The following PRKCZ variants were observed in gnomAD, a reference collection of about 807,000 sequenced individuals.
The protein encoded by PRKCZ is protein kinase C zeta, also known as protein kinase C zeta type.
A neutral mutation model predicts 79.5 loss-of-function variants in PRKCZ; 33 were observed. The ratio of observed to expected loss-of-function variants is 0.41; its 90% CI spans 0.31 to 0.55. The LOEUF (loss-of-function observed/expected upper bound fraction) is 0.55. Ranked by LOEUF, PRKCZ falls within the 20% of genes least tolerant of loss-of-function variation. The probability of loss-of-function intolerance (pLI) is 0.19; values close to 1 mark genes in which losing one functional copy is unlikely to be tolerated. For synonymous variants in PRKCZ, 342 were observed against 320.9 expected (o/e 1.07, Z -0.70); for missense variants, 578 against 813.5 (o/e 0.71, Z 3.52).
At chr1:2,056,640 A>G (rs909933569) in intron 3 of PRKCZ, 67 bp downstream of exon 3, 5 of 1,399,608 alleles carry the variant, frequency 3.6e-6, no homozygotes, top group South Asian at 1.3e-5. Context: ...TCTGCCGACT[A>G]GCTGGGGGAT....
At chr1:2,122,572 G>T (rs1672552044) in intron 4 of PRKCZ, among the ~76,000 whole-genome samples, 1 of 12,332 alleles carries the variant, frequency 8.1e-5, no homozygotes, top group African/African-American at 4.4e-4. Flanking sequence ...TAGGGTCGTG[G>T]TGGTTAGGGT....
chr1:2,050,781 G>T (rs1288818953), intron 1 of PRKCZ, 80 bp downstream of exon 1: 6 of 914,752 alleles, frequency 6.6e-6, no homozygotes, highest in South Asian at 5.5e-5. Context: ...GCTCCTGCGC[G>T]AGAGGGAGAG....
chr1:2,185,383 C>G lies in PRKCZ; in HGVS notation c.*374C>G, dbSNP rs752679845. The G allele has an allele frequency of 2.8e-6, 2 of 718,794 alleles. No individual in the cohort carries two copies. The highest frequency in any genetic ancestry group is 3.0e-5 in the South Asian group (2 of 67,602). 44.5% of individuals were successfully genotyped at this position (718,794 alleles called of 1,614,324 possible). A position where few individuals can be genotyped will look rare whatever the true frequency, so the allele number is the denominator to read the frequency against. ...TAGCGTCCTGAGGAATAAAATGTTC[C>G]GATGATGTGGAAGCTCCTCTGATGC... is the stretch of plus-strand genomic sequence containing the variant. On this transcript the variant is annotated 3_prime_UTR_variant, in exon 18 of 18. Transcript: ENST00000378567.
intron 4 of PRKCZ, among the ~76,000 whole-genome samples, chr1:2,092,415 G>A (rs2292861): frequency 0.12 from 18,135 of 152,090 alleles, 1,144 homozygotes; most frequent in Middle Eastern, 0.16. Context: ...GACAAAGTGC[G>A]CAGCTCTACC....
intron 9 of PRKCZ, among the ~76,000 whole-genome samples, chr1:2,152,861 T>G (rs1001810492): frequency 5.0e-4 from 76 of 152,370 alleles, no homozygotes; most frequent in African/African-American, 1.8e-3. Flanking sequence ...CGTTGTCCAG[T>G]GGAGGCCCCA....
At chr1:2,064,126 C>T (rs929068449) in intron 4 of PRKCZ, among the ~76,000 whole-genome samples, 1 of 152,238 alleles carries the variant, frequency 6.6e-6, no homozygotes, top group Non-Finnish European at 1.5e-5. Context: ...GGATTATAGG[C>T]GTGAGCTGCC....
intron 7 of PRKCZ, among the ~76,000 whole-genome samples, chr1:2,148,375 A>G (rs559285973): frequency 2.7e-4 from 40 of 149,052 alleles, no homozygotes; most frequent in East Asian, 1.4e-3. Context: ...CTATCCACCT[A>G]TTGTCCACTG....
chr1:2,073,779 TC>T (rs1325619946), intron 4 of PRKCZ: 31 of 1,016,002 alleles, frequency 3.1e-5, no homozygotes, highest in Non-Finnish European at 3.7e-5. Context: ...AAATATCTGC[TC>T]CTCGCGCTCG....
chr1:2,099,269 G>A (rs1277395525), intron 4 of PRKCZ, among the ~76,000 whole-genome samples: 3 of 152,208 alleles, frequency 2.0e-5, no homozygotes, highest in African/African-American at 7.2e-5. Flanking sequence ...TGCAGCTGGC[G>A]CTAGGATCCT....
intron 4 of PRKCZ, among the ~76,000 whole-genome samples, chr1:2,106,678 G>A (rs1414846885): frequency 8.4e-6 from 1 of 119,014 alleles, no homozygotes; most frequent in East Asian, 2.3e-4. Context: ...CACCAGGCCA[G>A]GTAACTCTCA....
intron 4 of PRKCZ, 78 bp downstream of exon 4, chr1:2,059,669 A>C (rs1302656073): frequency 6.3e-7 from 1 of 1,582,510 alleles, no homozygotes; most frequent in Non-Finnish European, 8.7e-7. Flanking sequence ...CGGAGGTGGC[A>C]GTGGTGCCGT....
chr1:2,073,604 T>G, intron 4 of PRKCZ: 1 of 988,212 alleles, frequency 1.0e-6, no homozygotes, highest in Non-Finnish European at 1.2e-6. Context: ...GAGATGCTTG[T>G]TTTCCTGTGA....
At chr1:2,097,645 C>A (rs1666750217) in intron 4 of PRKCZ, among the ~76,000 whole-genome samples, 1 of 152,224 alleles carries the variant, frequency 6.6e-6, no homozygotes, top group African/African-American at 2.4e-5. Flanking sequence ...TGTGCACCCC[C>A]AGCCCATGCA....
At chr1:2,050,896 C>T in intron 1 of PRKCZ, 195 bp downstream of exon 1, 1 of 388,026 alleles carries the variant, frequency 2.6e-6, no homozygotes, top group Non-Finnish European at 4.5e-6. Context: ...AGCGCGGGCT[C>T]CTTCCCCGGG....
Position 2,149,004 on chromosome 1 carries a change from A to T in PRKCZ, c.687+80A>T. 2 of 1,461,222 alleles carry T rather than the reference A, an allele frequency of 1.4e-6. No individual in the cohort carries two copies. The highest frequency in any genetic ancestry group is 3.4e-5 in the Admixed American group (2 of 58,258). 90.5% of individuals were successfully genotyped at this position (1,461,222 alleles called of 1,614,324 possible). A position where few individuals can be genotyped will look rare whatever the true frequency, so the allele number is the denominator to read the frequency against. On this transcript the variant is annotated intron_variant, in intron 8 of 17. Coordinates refer to ENST00000378567, the MANE Select transcript of PRKCZ (RefSeq NM_002744.6). The surrounding 1 kb of genome is among the most constrained non-coding windows in gnomAD (Gnocchi z 4.1). The stretch of plus-strand genomic sequence containing the variant: ...AGCCTGTCTCTGGGGTAGTCACGGA[A>T]ATCTAGATGTGAAATAGACATGGTC...
intron 4 of PRKCZ, among the ~76,000 whole-genome samples, chr1:2,112,223 A>G (rs1337088803): frequency 1.3e-5 from 2 of 152,164 alleles, no homozygotes; most frequent in African/African-American, 2.4e-5. Context: ...AGAATCCCCT[A>G]AATTGCTCAT....
rs749476405 is a variant in PRKCZ at position 2,150,913 on chromosome 1, T to C, written c.811T>C (p.Leu271=). The part of the protein sequence containing the change: ...GSYAKVLLVR[L]KKNDQIYAMK... ...CTACGCCAAGGTTCTCCTGGTGCGG[T>C]TGAAGAAGAATGACCAAATTTACGC... Residue 271 remains leucine (L), a synonymous_variant, in exon 9 of 18, where the codon TTG becomes CTG. Transcript: ENST00000378567. 11 of 1,614,170 alleles carry C rather than the reference T, an allele frequency of 6.8e-6. No individual in the cohort carries two copies. Among genetic ancestry groups the C allele is most frequent in the Non-Finnish European group, 9.3e-6 (11 of 1,180,034 alleles).
At position 2,055,529 on chromosome 1, in the gene PRKCZ, C is replaced by T. The variant is rs1660083815; in HGVS notation, c.160C>T (p.His54Tyr). 2 of 1,613,962 alleles carry T rather than the reference C, an allele frequency of 1.2e-6. No homozygotes were observed. The highest frequency in any genetic ancestry group is 1.7e-5 in the Admixed American group (1 of 59,996). The change falls in exon 2 of 18, where the codon CAC becomes TAC. Residue 54 changes from histidine (H) to tyrosine (Y), a missense_variant. Coordinates refer to ENST00000378567, the MANE Select transcript of PRKCZ (RefSeq NM_002744.6). ...AGACATGTGTCGTCTGCACCAGCAG[C>T]ACCCGCTCACCCTCAAGTGGGTGGA... The part of the protein sequence containing the change: ...VRDMCRLHQQ[H>Y]PLTLKWVDSE...
chr1:2,075,890 G>T lies in PRKCZ; in HGVS notation c.334+16299G>T, dbSNP rs750868422. 6.6e-5 allele frequency among the ~76,000 whole-genome samples: 10 copies of T among 152,236 alleles called. No homozygotes were observed. The highest frequency in any genetic ancestry group is 1.3e-4 in the Non-Finnish European group (9 of 68,044). ...TGCTCTCGTGTGTGTAGCAGCGGGG[G>T]CTGCGTCTCATCTGCCACACGTTTC... is the stretch of plus-strand genomic sequence containing the variant. On this transcript the variant is annotated intron_variant, in intron 4 of 17. Coordinates refer to ENST00000378567, the MANE Select transcript of PRKCZ (RefSeq NM_002744.6). The surrounding 1 kb of genome is among the most constrained non-coding windows in gnomAD (Gnocchi z 4.8).
Sources: allele counts gnomAD v4.1 joint callset (sites outside exome capture counted in the v4.1 genomes callset), GRCh38; gene constraint gnomAD v4.1.1; non-coding constraint Gnocchi (gnomAD v3.1); transcripts MANE v1.5; gene names NCBI Gene and HGNC (gene_info 2026-07-23, HGNC 2026-07-21).